Variants in CTNNA1 observed in about 807,000 individuals in gnomAD.
The protein encoded by CTNNA1 is catenin alpha-1.
A neutral mutation model predicts 98.4 loss-of-function variants in CTNNA1; 37 were observed. The ratio of observed to expected loss-of-function variants is 0.38; its 90% confidence interval spans 0.29 to 0.49. CTNNA1 has a LOEUF of 0.49. Among genes scored for constraint, CTNNA1 ranks in the 20% least tolerant of loss-of-function variants. The pLI is 0.95. For synonymous variants in CTNNA1, 404 were observed against 413.2 expected (o/e 0.98, Z 0.27); for missense variants, 761 against 1,147.2 (o/e 0.66, Z 4.86).
chr5:138,889,165 C>T (rs1754785987), intron 9 of CTNNA1, among the ~76,000 whole-genome samples: 1 of 152,166 alleles, frequency 6.6e-6, no homozygotes. Flanking sequence ...GAAAGTTCTT[C>T]CGCATGGTAG....
chr5:138,932,378 C>T, intron 16 of CTNNA1, 200 bp from the exon 17 acceptor site: 1 of 1,409,256 alleles, frequency 7.1e-7, no homozygotes, highest in Non-Finnish European at 9.2e-7. Context: ...CCATGGACGA[C>T]TTCCATCAGC....
At position 138,879,171 on chromosome 5, in the gene CTNNA1, T is replaced by TAAAAAA. The variant is rs35271091; in HGVS notation, c.1063-7021_1063-7016dup. Among the ~76,000 whole-genome samples the TAAAAAA allele has an allele frequency of 2.3e-3, 181 of 80,272 alleles. 1 individual carries two copies. Among genetic ancestry groups the TAAAAAA allele is most frequent in the Non-Finnish European group, 3.2e-3 (144 of 44,638 alleles). 52.7% of individuals were successfully genotyped at this position (80,272 alleles called of 152,430 possible). A position where few individuals can be genotyped will look rare whatever the true frequency, so the allele number is the denominator to read the frequency against. ...GGGTGACAGAGTGAGACTCCGTCTT[T>TAAAAAA]AAAAAAAAAAAAAAAAAAAAAAAAA... is the stretch of plus-strand genomic sequence containing the variant. On this transcript the variant is annotated intron_variant, in intron 7 of 17. Transcript: ENST00000302763.
chr5:138,925,303 A>C lies in CTNNA1; in HGVS notation c.1795A>C (p.Ser599Arg), dbSNP rs774165453. The change falls in exon 13 of 18, where the codon AGC (serine) becomes CGC (arginine). Residue 599 changes from serine to arginine, a missense_variant. Coordinates refer to ENST00000302763, the MANE Select transcript of CTNNA1 (RefSeq NM_001903.5). ...EQVEAAVEAL[S>R]SDPAQPMDEN... is the part of the protein sequence containing the mutation. Reference sequence around the variant, plus strand: ...AGTAGAAGCAGCCGTGGAAGCCCTCAGCTCGGACCCTGCCCAGCCCATGGA... The same window carrying C: ...AGTAGAAGCAGCCGTGGAAGCCCTCCGCTCGGACCCTGCCCAGCCCATGGA... 6.2e-7 allele frequency: 1 copy of C among 1,614,122 alleles called. No homozygotes were observed. Among genetic ancestry groups the C allele is most frequent in the South Asian group, 1.1e-5 (1 of 91,084 alleles).
chr5:138,824,727 T>G lies in CTNNA1; in HGVS notation c.786T>G (p.Thr262=). 6.2e-7 allele frequency: 1 copy of G among 1,614,216 alleles called. No homozygotes were observed. Among genetic ancestry groups the G allele is most frequent in the Non-Finnish European group, 8.5e-7 (1 of 1,180,042 alleles). The change falls in exon 6 of 18, where the codon ACT becomes ACG. Residue 262 remains threonine, a synonymous_variant. Coordinates refer to ENST00000302763, the MANE Select transcript of CTNNA1 (RefSeq NM_001903.5). ...GCATTTCCAATGCAGCCCAGGCCACTGCCTCAGACGATGCCTCACAGCACC... is the reference window on the plus strand; with the variant it reads ...GCATTTCCAATGCAGCCCAGGCCACGGCCTCAGACGATGCCTCACAGCACC... ...VTGISNAAQA[T]ASDDASQHQG... is the part of the protein sequence containing the mutation.
At chr5:138,925,042 C>T (rs1319760395) in intron 12 of CTNNA1, among the ~76,000 whole-genome samples, 1 of 152,226 alleles carries the variant, frequency 6.6e-6, no homozygotes, top group Non-Finnish European at 1.5e-5. Context: ...ACTTCAAGTT[C>T]TCAACCATCC....
intron 4 of CTNNA1, 134 bp from the exon 5 acceptor site, chr5:138,812,049 T>G (rs1468030845): frequency 1.4e-6 from 1 of 692,346 alleles, no homozygotes; most frequent in African/African-American, 1.8e-5. Flanking sequence ...TAGAAGACCA[T>G]GCGCAAACTC....
intron 16 of CTNNA1, 190 bp downstream of exon 16, chr5:138,931,125 C>G (rs1765210314): frequency 1.7e-6 from 1 of 579,152 alleles, no homozygotes; most frequent in African/African-American, 1.9e-5. Flanking sequence ...TGGAATCTTC[C>G]ATCGCTTGGT....
At chr5:138,844,095 G>A (rs74973447) in intron 7 of CTNNA1, among the ~76,000 whole-genome samples, 1 of 118,522 alleles carries the variant, frequency 8.4e-6, no homozygotes, top group African/African-American at 3.1e-5. Flanking sequence ...CAAGTTTGTG[G>A]AAAGCAAAGG....
chr5:138,827,394 C>T, intron 6 of CTNNA1, 121 bp from the exon 7 acceptor site: 1 of 1,124,114 alleles, frequency 8.9e-7, no homozygotes, highest in Non-Finnish European at 1.3e-6. Flanking sequence ...AGAAGTATAA[C>T]TTTCTTTCAG....
intron 3 of CTNNA1, among the ~76,000 whole-genome samples, chr5:138,792,025 G>C (rs1756438152): frequency 6.6e-6 from 1 of 151,926 alleles, no homozygotes; most frequent in South Asian, 2.1e-4. Flanking sequence ...TTAGGGCATT[G>C]TTATAAAGAA....
intron 12 of CTNNA1, among the ~76,000 whole-genome samples, chr5:138,924,975 G>A (rs895731183): frequency 6.6e-6 from 1 of 152,206 alleles, no homozygotes; most frequent in African/African-American, 2.4e-5. Flanking sequence ...TCCTATTAGT[G>A]AGTAAAGACT....
intron 1 of CTNNA1, among the ~76,000 whole-genome samples, chr5:138,773,703 T>A (rs886761893): frequency 1.3e-5 from 2 of 152,034 alleles, no homozygotes; most frequent in African/African-American, 4.8e-5. Context: ...AGGCTGAGTC[T>A]GGTGAATTAA....
At chr5:138,791,385 G>A (rs938442349) in intron 3 of CTNNA1, among the ~76,000 whole-genome samples, 1 of 151,956 alleles carries the variant, frequency 6.6e-6, no homozygotes, top group Non-Finnish European at 1.5e-5. Flanking sequence ...TTGGGAGGCC[G>A]AGGCGGGCAG....
chr5:138,784,898 C>G (rs1194429254), intron 3 of CTNNA1, among the ~76,000 whole-genome samples: 1 of 152,082 alleles, frequency 6.6e-6, no homozygotes, highest in Non-Finnish European at 1.5e-5. Flanking sequence ...AGGACATCAA[C>G]CATTGAATTA....
At chr5:138,799,700 C>T (rs553766667) in intron 3 of CTNNA1, among the ~76,000 whole-genome samples, 24 of 149,856 alleles carry the variant, frequency 1.6e-4, no homozygotes, top group African/African-American at 5.9e-4. Context: ...TATTTATATA[C>T]TTGTTTATAG....
chr5:138,810,834 C>T lies in CTNNA1; in HGVS notation c.468+630C>T, dbSNP rs954111563. On this transcript the variant is annotated intron_variant, in intron 4 of 17. Transcript: ENST00000302763. ...CCTCCCAGACGGGGTTTCGGCCGGG[C>T]AGAGGGGCTCCTCACTTCCCCAGTA... Among the ~76,000 whole-genome samples the T allele has an allele frequency of 7.2e-5, 11 of 152,314 alleles. 1 individual carries two copies. In the South Asian group the frequency reaches 1.9e-3, roughly 26 times the overall value.
intron 7 of CTNNA1, among the ~76,000 whole-genome samples, chr5:138,864,243 C>T (rs1331399635): frequency 6.6e-6 from 1 of 152,176 alleles, no homozygotes; most frequent in African/African-American, 2.4e-5. Context: ...TGAGCCACTG[C>T]ACCTGGCCTT....
At chr5:138,759,461 C>T (rs1156836216) in intron 1 of CTNNA1, among the ~76,000 whole-genome samples, 1 of 152,074 alleles carries the variant, frequency 6.6e-6, no homozygotes, top group Non-Finnish European at 1.5e-5. Flanking sequence ...AAGTCTAGCT[C>T]CTAAAGAGGA....
Position 138,810,027 on chromosome 5 carries a change from C to G in CTNNA1, c.302-11C>G. 1 of 1,588,862 alleles carries G rather than the reference C, an allele frequency of 6.3e-7. No homozygotes were observed. The highest frequency in any genetic ancestry group is 1.1e-5 in the South Asian group (1 of 89,442). On this transcript the variant is annotated splice_polypyrimidine_tract_variant and intron_variant, in intron 3 of 17. Transcript: ENST00000302763. The stretch of plus-strand genomic sequence containing the variant: ...ATTCTTGCTGAGTTTGTTTTTCATT[C>G]TGTAAAACAGGTGATTTGATGAAGG...
Sources: gnomAD v4.1 joint callset for allele counts (sites outside exome capture counted in the v4.1 genomes callset) on GRCh38, gnomAD v4.1.1 for gene constraint, MANE v1.5 for transcripts, NCBI Gene and HGNC (gene_info 2026-07-23, HGNC 2026-07-21) for gene names.